UBE3A: variants seen among roughly 807,000 people sequenced by gnomAD.
UBE3A encodes ubiquitin-protein ligase E3A.
A neutral mutation model predicts 83.4 loss-of-function variants in UBE3A; 6 were observed. That is an observed-to-expected ratio of 0.07 (90% CI 0.04 to 0.14). The LOEUF (loss-of-function observed/expected upper bound fraction) is 0.14, where lower values mean the gene tolerates loss of function less well. UBE3A is among the 10% of genes least tolerant of loss of function. UBE3A has a pLI of 1.00. For synonymous variants in UBE3A, 337 were observed against 355.4 expected (o/e 0.95, Z 0.58); for missense variants, 456 against 1,036.1 (o/e 0.44, Z 7.69).
intron 1 of UBE3A, among the ~76,000 whole-genome samples, chr15:25,430,811 T>C (rs548488699): frequency 3.3e-5 from 5 of 152,180 alleles, no homozygotes; most frequent in Non-Finnish European, 7.3e-5. Flanking sequence ...TTGAGATACG[T>C]GACCAACCCA....
chr15:25,385,813 T>C (rs2083020808), intron 4 of UBE3A, among the ~76,000 whole-genome samples: 5 of 152,088 alleles, frequency 3.3e-5, no homozygotes, highest in Admixed American at 3.3e-4. Context: ...GAAGGCTCAG[T>C]GTGGACAACT....
rs1363869648 is a variant in UBE3A at position 25,438,509 on chromosome 15, G to A, written c.-185C>T. On this transcript the variant is annotated 5_prime_UTR_variant, in exon 1 of 13. An upstream open reading frame in the 5' UTR gains an earlier in-frame stop. Transcript: ENST00000648336. Reference sequence around the variant, plus strand: ...CTGACCTGTCGTCGCCCCCGCGCCTGGGCTGCGGCGGCCGCCTCACTGGTC... The same window carrying A: ...CTGACCTGTCGTCGCCCCCGCGCCTAGGCTGCGGCGGCCGCCTCACTGGTC... The A allele has an allele frequency of 6.6e-6, 1 of 152,482 alleles. No homozygotes were observed. The highest frequency in any genetic ancestry group is 1.5e-5 in the Non-Finnish European group (1 of 68,174). The allele number at this position is 152,482 out of a possible 1,614,324, so 9.4% of individuals were successfully genotyped here.
intron 4 of UBE3A, among the ~76,000 whole-genome samples, chr15:25,384,459 C>CAAAAAA (rs1306982756): frequency 2.9e-5 from 2 of 70,156 alleles, no homozygotes; most frequent in Non-Finnish European, 3.3e-5. Context: ...GACTCTGTCT[C>CAAAAAA]AAAAAAAAAA....
At chr15:25,339,940 T>A (rs1324454729) in intron 12 of UBE3A, 145 bp downstream of exon 12, 102 of 1,124,496 alleles carry the variant, frequency 9.1e-5, no homozygotes, top group Admixed American at 2.1e-5. Flanking sequence ...GACAGCAAAG[T>A]ATTTTCTCAA....
chr15:25,422,297 C>T (rs930753832), intron 1 of UBE3A, among the ~76,000 whole-genome samples: 2 of 152,080 alleles, frequency 1.3e-5, no homozygotes, highest in African/African-American at 4.8e-5. Context: ...CAGGAAGGAA[C>T]TTTTTGGAGG....
intron 1 of UBE3A, among the ~76,000 whole-genome samples, chr15:25,420,065 A>T (rs1225038018): frequency 6.6e-6 from 1 of 152,142 alleles, no homozygotes; most frequent in African/African-American, 2.4e-5. Flanking sequence ...TCAAAAAGCA[A>T]CGATCGTAAA....
At chr15:25,430,346 T>A (rs1254029408) in intron 1 of UBE3A, among the ~76,000 whole-genome samples, 1 of 127,462 alleles carries the variant, frequency 7.8e-6, no homozygotes, top group African/African-American at 3.1e-5. Flanking sequence ...TACATATATA[T>A]AAGATAAATA....
At chr15:25,339,310 C>T (rs1166565676) in intron 12 of UBE3A, 53 bp from the exon 13 acceptor site, 4 of 1,593,596 alleles carry the variant, frequency 2.5e-6, no homozygotes, top group South Asian at 1.1e-5. Context: ...ATGGGAAATA[C>T]ACTTAGAATT....
chr15:25,425,861 T>C (rs1338777648), intron 1 of UBE3A, among the ~76,000 whole-genome samples: 1 of 152,166 alleles, frequency 6.6e-6, no homozygotes, highest in Non-Finnish European at 1.5e-5. Flanking sequence ...TTTCATGATT[T>C]ATGAGCCTAA....
chr15:25,371,821 T>C lies in UBE3A; in HGVS notation c.362-9A>G. On this transcript the variant is annotated splice_polypyrimidine_tract_variant and intron_variant, in intron 5 of 12. Transcript: ENST00000648336. This position sits in a 1 kb window ranked among gnomAD's most constrained non-coding sequence, Gnocchi z 5.3. Reference sequence around the variant, plus strand: ...TGTTAAGTAAGTCACATCTAGAAAATCAGAGGAAAAAAGAGAACATTTATT... The same window carrying C: ...TGTTAAGTAAGTCACATCTAGAAAACCAGAGGAAAAAAGAGAACATTTATT... 6.2e-7 allele frequency: 1 copy of C among 1,602,164 alleles called. No individual in the cohort carries two copies. The highest frequency in any genetic ancestry group is 8.5e-7 in the Non-Finnish European group (1 of 1,178,050).
At chr15:25,349,107 C>T (rs966750245) in intron 11 of UBE3A, among the ~76,000 whole-genome samples, 1 of 152,166 alleles carries the variant, frequency 6.6e-6, no homozygotes, top group African/African-American at 2.4e-5. Context: ...AATGGAGAAT[C>T]CAGAAACACG....
chr15:25,422,409 T>C (rs1890095769), intron 1 of UBE3A, among the ~76,000 whole-genome samples: 1 of 152,188 alleles, frequency 6.6e-6, no homozygotes, highest in Non-Finnish European at 1.5e-5. Context: ...TTTCATTGTG[T>C]ATCAATTATA....
At chr15:25,359,050 A>C (rs2073020764) in intron 7 of UBE3A, among the ~76,000 whole-genome samples, 1 of 152,204 alleles carries the variant, frequency 6.6e-6, no homozygotes, top group African/African-American at 2.4e-5. Context: ...CTGAAGTTCC[A>C]TTTTAGGCAC....
intron 4 of UBE3A, among the ~76,000 whole-genome samples, chr15:25,376,747 G>A (rs532556776): frequency 6.0e-4 from 69 of 114,832 alleles, no homozygotes; most frequent in Non-Finnish European, 9.6e-4. Flanking sequence ...TTAGTTCCAC[G>A]TCACAAGATG....
At chr15:25,422,330 G>A (rs1160015047) in intron 1 of UBE3A, among the ~76,000 whole-genome samples, 1 of 152,150 alleles carries the variant, frequency 6.6e-6, no homozygotes, top group Non-Finnish European at 1.5e-5. Flanking sequence ...TCTAAAGCTT[G>A]ATTGTAGTAG....
Position 25,337,362 on chromosome 15 carries a change from G to A in UBE3A, c.*1775C>T, listed in dbSNP as rs1305028445. ...GCCTTTAAGATGACTACAGTTGCAC[G>A]AAGGTCCCTTTCATCAAGGTAGCGT... On this transcript the variant is annotated 3_prime_UTR_variant, in exon 13 of 13. Coordinates refer to ENST00000648336, the MANE Select transcript of UBE3A (RefSeq NM_130839.5). 4 of 152,036 alleles carry A rather than the reference G, an allele frequency of 2.6e-5. No homozygotes were observed. The highest frequency in any genetic ancestry group is 2.1e-4 in the South Asian group (1 of 4,822). 9.4% of individuals were successfully genotyped at this position (152,036 alleles called of 1,614,324 possible).
chr15:25,397,257 C>T (rs1341183000), intron 4 of UBE3A, among the ~76,000 whole-genome samples: 1 of 152,164 alleles, frequency 6.6e-6, no homozygotes, highest in Non-Finnish European at 1.5e-5. Context: ...TTTCCTGTTA[C>T]TCTACTTTAA....
intron 1 of UBE3A, among the ~76,000 whole-genome samples, chr15:25,433,398 G>C (rs774381777): frequency 6.6e-6 from 1 of 152,038 alleles, no homozygotes; most frequent in Non-Finnish European, 1.5e-5. Flanking sequence ...GTGTTGGCCA[G>C]GATGGTCTCG....
At chr15:25,417,088 T>C (rs1484473430) in intron 1 of UBE3A, among the ~76,000 whole-genome samples, 3 of 152,104 alleles carry the variant, frequency 2.0e-5, no homozygotes, top group Non-Finnish European at 4.4e-5. Flanking sequence ...TTAAGGTAAG[T>C]GACTCCATGA....
Sources: allele counts gnomAD v4.1 joint callset (sites outside exome capture counted in the v4.1 genomes callset), GRCh38; gene constraint gnomAD v4.1.1; non-coding constraint Gnocchi (gnomAD v3.1); transcripts MANE v1.5; gene names NCBI Gene and HGNC (gene_info 2026-07-23, HGNC 2026-07-21).